The following FOXP2 variants were observed in gnomAD, a reference collection of about 807,000 sequenced individuals.
The protein encoded by FOXP2 is forkhead box P2, also known as forkhead box protein P2.
FOXP2 carries 12 observed loss-of-function variants against 115.8 expected under a neutral mutation model. The ratio of observed to expected loss-of-function variants is 0.10; its 90% CI spans 0.07 to 0.17. The LOEUF is 0.17. Ranked by LOEUF, FOXP2 falls within the 10% of genes least tolerant of loss-of-function variation. The pLI is 1.00. For synonymous variants in FOXP2, 328 were observed against 297.7 expected, an observed-to-expected ratio of 1.10 and a Z score of -1.05; for missense variants, 629 against 843.5, an observed-to-expected ratio of 0.75 and a Z score of 3.15.
At chr7:114,547,729 A>G (rs1452442596) in intron 3 of FOXP2, among the ~76,000 whole-genome samples, 1 of 152,200 alleles carries the variant, frequency 6.6e-6, no homozygotes, top group African/African-American at 2.4e-5. Context: ...ACTGCACTCC[A>G]GCCTGGGCAA....
chr7:114,488,506 T>C (rs935247601), intron 2 of FOXP2, among the ~76,000 whole-genome samples: 3 of 152,196 alleles, frequency 2.0e-5, no homozygotes, highest in African/African-American at 7.2e-5. Context: ...GTTTTTGAGA[T>C]AATGTGATCC....
intron 2 of FOXP2, among the ~76,000 whole-genome samples, chr7:114,319,914 C>T (rs1797375812): frequency 6.6e-6 from 1 of 152,134 alleles, no homozygotes; most frequent in Non-Finnish European, 1.5e-5. Flanking sequence ...TATTTGCTAA[C>T]TTACTACATT....
chr7:114,335,067 G>T (rs1362552194), intron 2 of FOXP2, among the ~76,000 whole-genome samples: 2 of 150,634 alleles, frequency 1.3e-5, no homozygotes, highest in African/African-American at 4.9e-5. Context: ...AATACTGGGT[G>T]ATGAGTTATA....
chr7:114,323,814 C>A (rs116653844), intron 2 of FOXP2, among the ~76,000 whole-genome samples: 2 of 152,020 alleles, frequency 1.3e-5, no homozygotes, highest in Non-Finnish European at 2.9e-5. Context: ...TTGTCTTTAG[C>A]ATTTTATTGT....
At chr7:114,666,827 T>G (rs1315786769) in intron 16 of FOXP2, 1 of 152,138 alleles carries the variant, frequency 6.6e-6, no homozygotes, top group East Asian at 1.9e-4. Context: ...CTTTCTCAGC[T>G]GAAAATGAGG....
chr7:114,665,394 C>T (rs550088670), intron 16 of FOXP2: 1 of 152,122 alleles, frequency 6.6e-6, no homozygotes, highest in African/African-American at 2.4e-5. Context: ...TTAGTCCTTT[C>T]TCTTATTTTT....
chr7:114,423,713 T>C (rs1793717062), intron 1 of FOXP2, among the ~76,000 whole-genome samples: 1 of 151,638 alleles, frequency 6.6e-6, no homozygotes, highest in Non-Finnish European at 1.5e-5. Context: ...AAAATATACT[T>C]AAAAGGTAAA....
chr7:114,602,341 T>C (rs541741086), intron 3 of FOXP2, among the ~76,000 whole-genome samples: 99 of 152,160 alleles, frequency 6.5e-4, no homozygotes, highest in African/African-American at 2.2e-3. Context: ...TATTACTACC[T>C]TTTTACTCTT....
intron 2 of FOXP2, among the ~76,000 whole-genome samples, chr7:114,346,410 A>G (rs1791348995): frequency 6.6e-6 from 1 of 151,822 alleles, no homozygotes; most frequent in African/African-American, 2.4e-5. Context: ...TTATACATTT[A>G]GAATAATCCT....
intron 3 of FOXP2, among the ~76,000 whole-genome samples, chr7:114,541,253 A>G (rs572237581): frequency 6.6e-6 from 1 of 152,216 alleles, no homozygotes; most frequent in Admixed American, 6.6e-5. Flanking sequence ...CACAGAAGTG[A>G]TAGATGAATC....
chr7:114,142,029 A>G (rs560382595), intron 1 of FOXP2, among the ~76,000 whole-genome samples: 2 of 148,118 alleles, frequency 1.4e-5, no homozygotes, highest in South Asian at 2.2e-4. Context: ...AAAGAATTAG[A>G]TTGTTTTTTT....
intron 1 of FOXP2, among the ~76,000 whole-genome samples, chr7:114,415,713 T>G (rs998056007): frequency 6.6e-6 from 1 of 152,008 alleles, no homozygotes; most frequent in Admixed American, 6.6e-5. Context: ...ATCTTGCTTT[T>G]AGTAAATGCC....
intron 2 of FOXP2, among the ~76,000 whole-genome samples, chr7:114,356,420 G>A (rs560701706): frequency 4.8e-4 from 73 of 152,194 alleles, no homozygotes; most frequent in East Asian, 2.5e-3. Flanking sequence ...GCAGGAAAGC[G>A]GTCTCTCCGT....
intron 2 of FOXP2, chr7:114,498,972 T>C (rs990681756): frequency 7.0e-6 from 5 of 717,366 alleles, no homozygotes; most frequent in Non-Finnish European, 1.3e-5. Context: ...CTCAAAAGTG[T>C]GAGTCCTGGA....
At chr7:114,377,802 T>A (rs894747267) in intron 2 of FOXP2, among the ~76,000 whole-genome samples, 1 of 152,248 alleles carries the variant, frequency 6.6e-6, no homozygotes, top group African/African-American at 2.4e-5. Flanking sequence ...TGGATTAAAA[T>A]TGTTTAGTGG....
At chr7:114,111,525 A>G (rs949232774) in intron 1 of FOXP2, among the ~76,000 whole-genome samples, 1 of 152,116 alleles carries the variant, frequency 6.6e-6, no homozygotes, top group African/African-American at 2.4e-5. Flanking sequence ...TTATATAGCA[A>G]TAGATAAAAC....
At chr7:114,165,754 A>G (rs1302801284) in intron 1 of FOXP2, among the ~76,000 whole-genome samples, 2 of 152,180 alleles carry the variant, frequency 1.3e-5, no homozygotes, top group Admixed American at 1.3e-4. Context: ...TTTTGTGGGT[A>G]TTGACAAACT....
chr7:114,488,491 C>G (rs184036520), intron 2 of FOXP2, among the ~76,000 whole-genome samples: 3 of 152,160 alleles, frequency 2.0e-5, no homozygotes, highest in Admixed American at 2.0e-4. Context: ...CTCTTTAAAA[C>G]TCAGGTTTTT....
intron 3 of FOXP2, among the ~76,000 whole-genome samples, chr7:114,574,069 G>T: frequency 6.6e-6 from 1 of 151,664 alleles, no homozygotes; most frequent in East Asian, 1.9e-4. Context: ...TTGAACAGTA[G>T]TGATATTTTA....
Sources: allele counts gnomAD v4.1 joint callset (sites outside exome capture counted in the v4.1 genomes callset), GRCh38; gene constraint gnomAD v4.1.1; transcripts MANE v1.5; gene names NCBI Gene and HGNC (gene_info 2026-07-23, HGNC 2026-07-21).